SYNE2: variants seen among roughly 807,000 people sequenced by gnomAD.
SYNE2 encodes the protein nesprin-2.
Under a neutral mutation model 856.3 loss-of-function variants are expected in SYNE2, and 431 were observed. The ratio of observed to expected loss-of-function variants is 0.50; its 90% confidence interval spans 0.47 to 0.55. SYNE2 has a LOEUF of 0.55. Among genes scored for constraint, SYNE2 ranks in the 20% least tolerant of loss-of-function variants. SYNE2 has a pLI of 0.00. For missense variants in SYNE2, 8,129 were observed against 8,023.2 expected (o/e 1.01, Z -0.50); for synonymous variants, 2,923 against 2,872.3 (o/e 1.02, Z -0.56).
In SYNE2 at chr14:63,954,933, T is replaced by A; in HGVS notation, c.787+18T>A. 1 of 1,592,760 alleles carries A rather than the reference T, an allele frequency of 6.3e-7. No homozygotes were observed. Among genetic ancestry groups the A allele is most frequent in the Non-Finnish European group, 8.6e-7 (1 of 1,164,154 alleles). On this transcript the variant is annotated intron_variant, in intron 8 of 115. Transcript: ENST00000555002. ...ACCAGAAGGTAAAGAAGCTTCTTTGTTTTTAAAACAATCTTTAAGGCTTAG... is the reference window on the plus strand; with the variant it reads ...ACCAGAAGGTAAAGAAGCTTCTTTGATTTTAAAACAATCTTTAAGGCTTAG...
chr14:63,871,296 C>T (rs1896776081), intron 1 of SYNE2, among the ~76,000 whole-genome samples: 1 of 151,702 alleles, frequency 6.6e-6, no homozygotes, highest in Non-Finnish European at 1.5e-5. Context: ...ACCTCTGCCT[C>T]CTGGGTTCAA....
At chr14:63,885,028 G>A (rs560643261) in intron 1 of SYNE2, among the ~76,000 whole-genome samples, 8 of 152,208 alleles carry the variant, frequency 5.3e-5, no homozygotes, top group African/African-American at 1.7e-4. Context: ...GTCAAGATTC[G>A]CTTCAAAGAA....
chr14:63,849,547 T>C (rs1366226694), upstream of SYNE2, among the ~76,000 whole-genome samples: 1 of 152,150 alleles, frequency 6.6e-6, no homozygotes, highest in Non-Finnish European at 1.5e-5. Context: ...CCTTGCCAAA[T>C]CTAGATGGAA....
chr14:63,919,214 A>C (rs2095567597), intron 2 of SYNE2, among the ~76,000 whole-genome samples: 1 of 152,240 alleles, frequency 6.6e-6, no homozygotes, highest in African/African-American at 2.4e-5. Context: ...CATGGTGCTT[A>C]TATTTAAGCC....
chr14:64,184,329 GGTGTGTGTGTGTGTGTGTGT>G (rs767980383), intron 96 of SYNE2, among the ~76,000 whole-genome samples: 2 of 144,162 alleles, frequency 1.4e-5, no homozygotes, highest in African/African-American at 5.2e-5. Flanking sequence ...TATGCATAGG[GGTGTGTGTGTGTGTGTGTGT>G]GTGTGTGTGT....
intron 10 of SYNE2, among the ~76,000 whole-genome samples, chr14:63,966,227 T>C (rs953302256): frequency 6.6e-6 from 1 of 152,032 alleles, no homozygotes; most frequent in Admixed American, 6.6e-5. Context: ...GCTGAGTAGT[T>C]ATCTATGGCC....
At chr14:63,811,110 C>T (rs1888599603) in intron 1 of SYNE2, among the ~76,000 whole-genome samples, 1 of 152,196 alleles carries the variant, frequency 6.6e-6, no homozygotes, top group Non-Finnish European at 1.5e-5. Flanking sequence ...GCTGGGATTA[C>T]AGACGTGAGC....
intron 96 of SYNE2, among the ~76,000 whole-genome samples, chr14:64,185,164 A>G (rs1200664697): frequency 6.6e-6 from 1 of 152,228 alleles, no homozygotes; most frequent in Non-Finnish European, 1.5e-5. Context: ...AGGCTGAAGC[A>G]TGAGGATCAC....
intron 1 of SYNE2, among the ~76,000 whole-genome samples, chr14:63,855,172 T>C (rs72718304): frequency 6.6e-6 from 1 of 152,308 alleles, no homozygotes; most frequent in Non-Finnish European, 1.5e-5. Context: ...GTACCTACAA[T>C]GTATTGTGCT....
chr14:63,860,876 T>C (rs1893394096), intron 1 of SYNE2, among the ~76,000 whole-genome samples: 1 of 152,168 alleles, frequency 6.6e-6, no homozygotes. Flanking sequence ...TAATTGGTAG[T>C]CACTGCAGTG....
intron 96 of SYNE2, among the ~76,000 whole-genome samples, chr14:64,181,887 T>A (rs571961090): frequency 1.3e-5 from 2 of 152,394 alleles, no homozygotes; most frequent in South Asian, 2.1e-4. Flanking sequence ...TTCATAACAC[T>A]TGTCCAAAGA....
chr14:64,045,252 T>G (rs959774437), intron 45 of SYNE2, among the ~76,000 whole-genome samples: 1 of 152,250 alleles, frequency 6.6e-6, no homozygotes, highest in Non-Finnish European at 1.5e-5. Flanking sequence ...GAATCCTTTT[T>G]CTGACTACTA....
intron 46 of SYNE2, 142 bp downstream of exon 46, chr14:64,048,297 T>A: frequency 1.4e-6 from 1 of 704,742 alleles, no homozygotes; most frequent in Non-Finnish European, 2.3e-6. Context: ...GGTAACTGTA[T>A]AATTATGTAC....
At position 64,053,086 on chromosome 14, in the gene SYNE2, T is replaced by C. The variant is rs759747133; in HGVS notation, c.9173T>C (p.Ile3058Thr). The C allele has an allele frequency of 5.0e-6, 8 of 1,613,968 alleles. No homozygotes were observed. The East Asian group carries it at 1.3e-4, about 27-fold the overall frequency. The change falls in exon 48 of 116, where the codon ATT (isoleucine) becomes ACT (threonine). Residue 3058 changes from isoleucine (I) to threonine (T), a missense_variant. Physicochemically the swap from Ile to Thr is moderately conservative, Grantham distance 89. Coordinates refer to ENST00000555002, the MANE Select transcript of SYNE2 (RefSeq NM_182914.3). ...YQALLSKMRA[I>T]DLQIKKMTEV... The stretch of plus-strand genomic sequence containing the variant: ...GCATTATTAAGTAAAATGAGAGCTA[T>C]TGATTTGCAAATTAAGAAAATGACT...
chr14:64,052,950 G>C lies in SYNE2; in HGVS notation c.9037G>C (p.Asp3013His), dbSNP rs781187796. 2 of 1,610,588 alleles carry C rather than the reference G, an allele frequency of 1.2e-6. No individual in the cohort carries two copies. Among genetic ancestry groups the C allele is most frequent in the Admixed American group, 3.4e-5 (2 of 59,312 alleles). Residue 3013 changes from aspartate to histidine, a missense_variant, in exon 48 of 116, where the codon GAT becomes CAT. Asp to His is a moderately conservative substitution (Grantham distance 81). Around this residue, in one of 3 missense-constraint regions of SYNE2, gnomAD observed 5,410 missense variants for 5,284.8 expected, o/e 1.02. Coordinates refer to ENST00000555002, the MANE Select transcript of SYNE2 (RefSeq NM_182914.3). Reference protein sequence around the residue: ...KVFDYIGLNWDFSQLDQLQTQ... With the variant: ...KVFDYIGLNWHFSQLDQLQTQ... ...GTTTGACTATATTGGACTAAACTGG[G>C]ATTTTTCACAACTTGACCAATTACA...
At chr14:63,767,521 T>C (rs1276780093) in intron 1 of SYNE2, among the ~76,000 whole-genome samples, 1 of 152,176 alleles carries the variant, frequency 6.6e-6, no homozygotes, top group Non-Finnish European at 1.5e-5. Flanking sequence ...GAATTTCATA[T>C]AAAAATCGAA....
At chr14:63,967,624 A>AT in intron 10 of SYNE2, 85 bp from the exon 11 acceptor site, 1 of 1,409,206 alleles carries the variant, frequency 7.1e-7, no homozygotes, top group Non-Finnish European at 9.7e-7. Context: ...AATATATCCT[A>AT]TACCTATAGA....
chr14:64,159,211 G>C, intron 86 of SYNE2, 101 bp from the exon 87 acceptor site: 1 of 1,448,490 alleles, frequency 6.9e-7, no homozygotes, highest in Non-Finnish European at 9.6e-7. Context: ...TGTAAGATTT[G>C]AGTGTTATTG....
intron 11 of SYNE2, among the ~76,000 whole-genome samples, chr14:63,971,702 A>G (rs1294741851): frequency 2.0e-5 from 3 of 151,688 alleles, no homozygotes; most frequent in East Asian, 3.9e-4. Context: ...CTGAGTTTCT[A>G]TTGAGCTCAG....
Sources: allele counts gnomAD v4.1 joint callset (sites outside exome capture counted in the v4.1 genomes callset), GRCh38; gene constraint gnomAD v4.1.1; regional missense constraint gnomAD v4.1.1; transcripts MANE v1.5; gene names NCBI Gene and HGNC (gene_info 2026-07-23, HGNC 2026-07-21).